The following DYNC1I1 variants were observed in gnomAD, a reference collection of about 807,000 sequenced individuals.
The protein encoded by DYNC1I1 is dynein cytoplasmic 1 intermediate chain 1.
DYNC1I1 carries 43 observed loss-of-function variants against 86.6 expected under a neutral mutation model. The observed-to-expected ratio is 0.50, with a 90% confidence interval of 0.39 to 0.64. The LOEUF (loss-of-function observed/expected upper bound fraction) is 0.64, where lower values mean the gene tolerates loss of function less well. DYNC1I1 is among the 30% of genes least tolerant of loss of function. The pLI, the probability that DYNC1I1 is intolerant of heterozygous loss-of-function variation, is 0.00. For missense variants in DYNC1I1, 604 were observed against 788.8 expected, an observed-to-expected ratio of 0.77 and a Z score of 2.81; for synonymous variants, 262 against 283.7, an observed-to-expected ratio of 0.92 and a Z score of 0.77.
At chr7:95,788,642 C>T (rs1034619928) in intron 1 of DYNC1I1, among the ~76,000 whole-genome samples, 1 of 152,170 alleles carries the variant, frequency 6.6e-6, no homozygotes, top group African/African-American at 2.4e-5. Context: ...CTGAAAACTT[C>T]ATCCCCGTTT....
In DYNC1I1 at chr7:95,978,263, A is replaced by C. The variant is rs1045428797; in HGVS notation, c.580+662A>C. Among the ~76,000 whole-genome samples, 3 of 152,356 alleles carry C rather than the reference A, an allele frequency of 2.0e-5. No individual in the cohort carries two copies. In the South Asian group the frequency reaches 6.2e-4, roughly 32 times the overall value. ...GGTCTAAAACTTTATCCAAGGATAC[A>C]TAATGTACAAGTACATGAGCCAAGA... On this transcript the variant is annotated intron_variant, in intron 7 of 16. Transcript: ENST00000447467.
At chr7:95,860,957 G>T (rs1789861313) in intron 5 of DYNC1I1, among the ~76,000 whole-genome samples, 1 of 152,062 alleles carries the variant, frequency 6.6e-6, no homozygotes, top group South Asian at 2.1e-4. Context: ...ATATAAATTT[G>T]AAACTATGGG....
chr7:95,995,407 G>C (rs1006881569), intron 9 of DYNC1I1, among the ~76,000 whole-genome samples: 5 of 152,178 alleles, frequency 3.3e-5, no homozygotes, highest in Non-Finnish European at 7.3e-5. Context: ...TGTTACAATT[G>C]ATGGGTCTAT....
At chr7:95,918,701 G>A (rs953839897) in intron 6 of DYNC1I1, among the ~76,000 whole-genome samples, 1 of 152,178 alleles carries the variant, frequency 6.6e-6, no homozygotes, top group East Asian at 1.9e-4. Context: ...TGAATGGAAG[G>A]TTGCTGAGGC....
At chr7:95,907,422 T>C (rs938610667) in intron 6 of DYNC1I1, among the ~76,000 whole-genome samples, 2 of 152,154 alleles carry the variant, frequency 1.3e-5, no homozygotes, top group Non-Finnish European at 2.9e-5. Flanking sequence ...CTTAAAGCTG[T>C]GTACAGTCAG....
intron 3 of DYNC1I1, among the ~76,000 whole-genome samples, chr7:95,811,022 T>C (rs1794819498): frequency 6.6e-6 from 1 of 152,160 alleles, no homozygotes; most frequent in African/African-American, 2.4e-5. Flanking sequence ...AAGTTTAAAT[T>C]AATTTGACTT....
intron 2 of DYNC1I1, 110 bp downstream of exon 2, chr7:95,804,947 C>T: frequency 7.0e-7 from 1 of 1,421,032 alleles, no homozygotes; most frequent in South Asian, 1.7e-5. Context: ...TTTATGATAT[C>T]TGAATAAAAT....
intron 6 of DYNC1I1, among the ~76,000 whole-genome samples, chr7:95,921,215 G>C (rs1311602228): frequency 6.6e-6 from 1 of 152,036 alleles, no homozygotes; most frequent in Non-Finnish European, 1.5e-5. Flanking sequence ...TCCAAAAACT[G>C]GAACTGTTCA....
chr7:95,799,640 GT>G (rs199827687), intron 1 of DYNC1I1, among the ~76,000 whole-genome samples: 2,142 of 143,666 alleles, frequency 0.015, 39 homozygotes, highest in East Asian at 0.032. Context: ...TTTTTAAAAA[GT>G]TTTTTTTTTT....
intron 8 of DYNC1I1, among the ~76,000 whole-genome samples, chr7:95,986,024 G>A (rs1334437890): frequency 1.8e-4 from 2 of 10,870 alleles, no homozygotes; most frequent in Non-Finnish European, 3.2e-4. Flanking sequence ...CTGGCAGGAC[G>A]TGTGTGTGTG....
chr7:95,796,713 G>C (rs1452000779), intron 1 of DYNC1I1, among the ~76,000 whole-genome samples: 2 of 151,866 alleles, frequency 1.3e-5, no homozygotes, highest in African/African-American at 4.8e-5. Flanking sequence ...GCAAAATTTT[G>C]TCAAGTAAAT....
chr7:95,908,006 A>G (rs1450792246), intron 6 of DYNC1I1, among the ~76,000 whole-genome samples: 1 of 152,156 alleles, frequency 6.6e-6, no homozygotes, highest in Non-Finnish European at 1.5e-5. Flanking sequence ...ATTGTTAACT[A>G]TGTTTTATTT....
At chr7:95,886,721 G>A (rs1790602411) in intron 6 of DYNC1I1, among the ~76,000 whole-genome samples, 1 of 151,218 alleles carries the variant, frequency 6.6e-6, no homozygotes, top group African/African-American at 2.4e-5. Flanking sequence ...AAGCAAAGTG[G>A]AAAAAAAAAT....
chr7:95,877,211 C>T (rs1481942566), intron 6 of DYNC1I1, among the ~76,000 whole-genome samples: 1 of 152,098 alleles, frequency 6.6e-6, no homozygotes, highest in East Asian at 1.9e-4. Flanking sequence ...AAGATAAGTT[C>T]CAAGCAAGTG....
intron 16 of DYNC1I1, among the ~76,000 whole-genome samples, chr7:96,086,193 G>A (rs933404549): frequency 2.0e-5 from 3 of 152,194 alleles, no homozygotes; most frequent in African/African-American, 7.2e-5. Flanking sequence ...AGATGCAGCT[G>A]TCATAAATAT....
At chr7:96,092,736 G>A (rs1211543306) in intron 16 of DYNC1I1, among the ~76,000 whole-genome samples, 1 of 152,124 alleles carries the variant, frequency 6.6e-6, no homozygotes, top group Non-Finnish European at 1.5e-5. Flanking sequence ...TAGCCTGGGT[G>A]GTGGGGCTCT....
intron 6 of DYNC1I1, among the ~76,000 whole-genome samples, chr7:95,946,110 C>T (rs1019726719): frequency 6.6e-6 from 1 of 151,830 alleles, no homozygotes; most frequent in African/African-American, 2.4e-5. Context: ...AATGAGAACA[C>T]ATGGATGCAG....
Position 95,931,821 on chromosome 7 carries a change from G to A in DYNC1I1, c.491-45691G>A, listed in dbSNP as rs1156380449. On this transcript the variant is annotated intron_variant, in intron 6 of 16. Coordinates refer to ENST00000447467, the MANE Select transcript of DYNC1I1 (RefSeq NM_001135556.2). ...TTGATCTCTGTTCTAGATCATTTTC[G>A]TTTGCATTTTTTATATTTAAATTAA... Among the ~76,000 whole-genome samples the A allele has an allele frequency of 2.6e-5, 4 of 152,106 alleles. No homozygotes were observed. The South Asian group carries it at 8.3e-4, about 32-fold the overall frequency.
At chr7:95,773,544 CCAGGATCAGGA>C (rs1158353477) in intron 1 of DYNC1I1, among the ~76,000 whole-genome samples, 3 of 151,922 alleles carry the variant, frequency 2.0e-5, no homozygotes, top group Non-Finnish European at 4.4e-5. Context: ...AAACAGAAGC[CCAGGATCAGGA>C]CAGGAAATTA....
Sources: allele counts gnomAD v4.1 joint callset (sites outside exome capture counted in the v4.1 genomes callset), GRCh38; gene constraint gnomAD v4.1.1; transcripts MANE v1.5; gene names NCBI Gene and HGNC (gene_info 2026-07-23, HGNC 2026-07-21).